Variants in PCDH15 observed in about 807,000 individuals in gnomAD.
PCDH15 encodes protocadherin related 15, also known as protocadherin-15.
Under a neutral mutation model 178.5 loss-of-function variants are expected in PCDH15, and 129 were observed. The observed-to-expected ratio is 0.72, with a 90% CI of 0.63 to 0.84. The LOEUF (loss-of-function observed/expected upper bound fraction) is 0.84. PCDH15 is among the 40% of genes least tolerant of loss of function. The pLI is 0.00. For missense variants in PCDH15, 2,230 were observed against 2,099.9 expected, an observed-to-expected ratio of 1.06 and a Z score of -1.21; for synonymous variants, 800 against 732.0, an observed-to-expected ratio of 1.09 and a Z score of -1.50.
intron 1 of PCDH15, among the ~76,000 whole-genome samples, chr10:55,247,268 T>A (rs139316763): frequency 0.011 from 1,604 of 152,282 alleles, 40 homozygotes; most frequent in African/African-American, 0.037. Flanking sequence ...CTAGTTTTCA[T>A]AATGGGAAAA....
At chr10:55,532,745 G>A (rs933061912) in intron 2 of PCDH15, among the ~76,000 whole-genome samples, 1 of 152,010 alleles carries the variant, frequency 6.6e-6, no homozygotes, top group Non-Finnish European at 1.5e-5. Context: ...GTGTTTGGCT[G>A]GAGAATTCCT....
chr10:54,206,371 T>C (rs1591165387), intron 10 of PCDH15, among the ~76,000 whole-genome samples: 1 of 152,256 alleles, frequency 6.6e-6, no homozygotes, highest in African/African-American at 2.4e-5. Flanking sequence ...AGAATCATCT[T>C]GGGTATAAAC....
chr10:54,273,793 A>C (rs1591530784), intron 8 of PCDH15, among the ~76,000 whole-genome samples: 2 of 152,078 alleles, frequency 1.3e-5, no homozygotes, highest in Admixed American at 6.6e-5. Flanking sequence ...TTAGAGGATA[A>C]CAGCCACACT....
chr10:54,250,105 A>C, intron 8 of PCDH15, among the ~76,000 whole-genome samples: 1 of 142,084 alleles, frequency 7.0e-6, no homozygotes, highest in African/African-American at 2.8e-5. Flanking sequence ...TATTGGTTTC[A>C]CCATTTTGCC....
At chr10:55,052,401 A>G (rs1004512884) in intron 2 of PCDH15, among the ~76,000 whole-genome samples, 5 of 151,332 alleles carry the variant, frequency 3.3e-5, no homozygotes, top group African/African-American at 9.7e-5. Context: ...AATCAGTAGG[A>G]TTTTAAAAGT....
At chr10:55,063,981 A>T (rs1354196161) in intron 2 of PCDH15, among the ~76,000 whole-genome samples, 1 of 152,144 alleles carries the variant, frequency 6.6e-6, no homozygotes, top group Non-Finnish European at 1.5e-5. Flanking sequence ...ATGCCTTTAG[A>T]TGAAGCAATC....
intron 2 of PCDH15, among the ~76,000 whole-genome samples, chr10:55,404,907 A>T (rs1838160434): frequency 6.6e-6 from 1 of 151,968 alleles, no homozygotes; most frequent in Admixed American, 6.6e-5. Context: ...AAATATCATC[A>T]AATATATCTG....
At chr10:54,029,458 G>A (rs909687191) in intron 18 of PCDH15, among the ~76,000 whole-genome samples, 4 of 152,080 alleles carry the variant, frequency 2.6e-5, no homozygotes, top group Non-Finnish European at 4.4e-5. Flanking sequence ...ACCTTACTAT[G>A]GGGCCTGATT....
chr10:53,982,203 C>A (rs1231758454), intron 21 of PCDH15, among the ~76,000 whole-genome samples: 1 of 152,118 alleles, frequency 6.6e-6, no homozygotes, highest in African/African-American at 2.4e-5. Flanking sequence ...GAAATAGGAA[C>A]ACTTTTACAC....
intron 1 of PCDH15, among the ~76,000 whole-genome samples, chr10:55,303,033 T>C: frequency 6.6e-6 from 1 of 151,972 alleles, no homozygotes; most frequent in East Asian, 1.9e-4. Flanking sequence ...ATGAAGTCAA[T>C]ACATGTTATG....
intron 2 of PCDH15, among the ~76,000 whole-genome samples, chr10:54,543,771 C>T (rs1319103888): frequency 6.6e-6 from 1 of 152,214 alleles, no homozygotes. Flanking sequence ...TATTCTAACC[C>T]GAGACAGTTT....
intron 1 of PCDH15, among the ~76,000 whole-genome samples, chr10:55,284,632 T>G (rs940527167): frequency 6.6e-6 from 1 of 152,080 alleles, no homozygotes; most frequent in Non-Finnish European, 1.5e-5. Context: ...CAATCTGTAT[T>G]TACCATAGTA....
At position 53,970,326 on chromosome 10, in the gene PCDH15, T is replaced by C. The variant is rs543919085; in HGVS notation, c.2869-8434A>G. Among the ~76,000 whole-genome samples, 16 of 152,288 alleles carry C rather than the reference T, an allele frequency of 1.1e-4. 1 individual carries two copies. The South Asian group carries it at 3.3e-3, about 32-fold the overall frequency. ...AAGAGCTAACTATCCTAAATATATA[T>C]GCACCCAATACAGGAGCACCCAGAT... is the stretch of plus-strand genomic sequence containing the variant. On this transcript the variant is annotated intron_variant, in intron 21 of 37. Coordinates refer to ENST00000644397, the MANE Select transcript of PCDH15 (RefSeq NM_001384140.1).
chr10:55,297,242 T>C (rs770488679), intron 1 of PCDH15, among the ~76,000 whole-genome samples: 4 of 152,046 alleles, frequency 2.6e-5, no homozygotes, highest in Non-Finnish European at 5.9e-5. Flanking sequence ...AGATAAATGA[T>C]TGCAAATTTA....
intron 8 of PCDH15, among the ~76,000 whole-genome samples, chr10:54,309,522 G>A (rs927769288): frequency 1.3e-5 from 2 of 151,988 alleles, no homozygotes; most frequent in East Asian, 1.9e-4. Flanking sequence ...GGCTGGGCAC[G>A]GTGGCTCATG....
At chr10:54,019,030 C>G (rs1230847113) in intron 20 of PCDH15, among the ~76,000 whole-genome samples, 1 of 151,982 alleles carries the variant, frequency 6.6e-6, no homozygotes, top group Admixed American at 6.6e-5. Flanking sequence ...TTTGCAAGTG[C>G]TTCATTTATC....
chr10:54,347,254 T>A (rs928165539), intron 5 of PCDH15, among the ~76,000 whole-genome samples: 7 of 151,828 alleles, frequency 4.6e-5, no homozygotes, highest in African/African-American at 1.7e-4. Flanking sequence ...CCCCTCCCAG[T>A]TTTTAGGTTT....
intron 1 of PCDH15, among the ~76,000 whole-genome samples, chr10:55,294,658 T>C (rs1298738007): frequency 6.6e-6 from 1 of 152,230 alleles, no homozygotes; most frequent in Non-Finnish European, 1.5e-5. Context: ...TCTGTGATAA[T>C]GCTTTGCATA....
chr10:55,392,065 C>A (rs1837806617), intron 2 of PCDH15, among the ~76,000 whole-genome samples: 1 of 152,112 alleles, frequency 6.6e-6, no homozygotes, highest in South Asian at 2.1e-4. Context: ...AGTCTTGGTG[C>A]AATCAGAACA....
Sources: allele counts gnomAD v4.1 joint callset (sites outside exome capture counted in the v4.1 genomes callset), GRCh38; gene constraint gnomAD v4.1.1; transcripts MANE v1.5; gene names NCBI Gene and HGNC (gene_info 2026-07-23, HGNC 2026-07-21).